NLRC5: variants seen among roughly 807,000 people sequenced by gnomAD.
NLRC5 encodes the protein NLR family CARD domain containing 5, also known as protein NLRC5.
Under a neutral mutation model 206.9 loss-of-function variants are expected in NLRC5, and 114 were observed. That is an observed-to-expected ratio of 0.55 (90% CI 0.47 to 0.64). NLRC5 has a LOEUF of 0.64. Among genes scored for constraint, NLRC5 ranks in the 30% least tolerant of loss-of-function variants. The pLI, the probability that NLRC5 is intolerant of heterozygous loss-of-function variation, is 0.00. For missense variants in NLRC5, 2,008 were observed against 2,305.5 expected, an observed-to-expected ratio of 0.87 and a Z score of 2.64; for synonymous variants, 952 against 962.8, an observed-to-expected ratio of 0.99 and a Z score of 0.21.
At chr16:57,041,631 G>C (rs2063300463) in intron 18 of NLRC5, 57 bp downstream of exon 18, 1 of 1,421,706 alleles carries the variant, frequency 7.0e-7, no homozygotes, top group African/African-American at 1.4e-5. Context: ...GTGAGTTAGT[G>C]TTGGTGTTTG....
chr16:56,990,736 A>C (rs1236104708), intron 1 of NLRC5: 1 of 152,192 alleles, frequency 6.6e-6, no homozygotes, highest in East Asian at 1.9e-4. Context: ...CTGGAGCCTC[A>C]TTGTCCCTTC....
chr16:57,028,811 C>A (rs776432893), intron 8 of NLRC5, among the ~76,000 whole-genome samples: 9 of 152,230 alleles, frequency 5.9e-5, no homozygotes, highest in Admixed American at 1.3e-4. Flanking sequence ...CATGCCCACT[C>A]ATAGGTGTGC....
intron 1 of NLRC5, among the ~76,000 whole-genome samples, chr16:56,993,071 G>T (rs1293047621): frequency 1.0e-5 from 1 of 98,686 alleles, no homozygotes; most frequent in African/African-American, 3.1e-5. Context: ...CAGTCTAAGT[G>T]TGTTTTTACA....
chr16:57,045,480 A>C lies in NLRC5; in HGVS notation c.3236A>C (p.Asp1079Ala). Residue 1079 changes from aspartate to alanine, a missense_variant, in exon 21 of 49, where the codon GAC becomes GCC. Asp to Ala is a moderately radical substitution (Grantham distance 126). Transcript: ENST00000688547. ...AGCCAACACATCCTCCTGAGAGGGG[A>C]CAAGACAAGCAGGTGAGGAGGGAAC... ...FESQHILLRG[D>A]KTSRDMWATG... 6.2e-7 allele frequency: 1 copy of C among 1,614,034 alleles called. No homozygotes were observed. The highest frequency in any genetic ancestry group is 8.5e-7 in the Non-Finnish European group (1 of 1,179,990).
At chr16:57,022,213 C>T in intron 3 of NLRC5, 43 bp from the exon 4 acceptor site, 3 of 1,562,844 alleles carry the variant, frequency 1.9e-6, no homozygotes, top group East Asian at 2.3e-5. Context: ...CCCAGCATCC[C>T]TCGACAGCCC....
At chr16:57,002,211 G>A (rs967556006) in intron 1 of NLRC5, among the ~76,000 whole-genome samples, 1 of 152,044 alleles carries the variant, frequency 6.6e-6, no homozygotes, top group Non-Finnish European at 1.5e-5. Flanking sequence ...GCAGTGGCAC[G>A]ATCTTGGCTC....
intron 43 of NLRC5, 81 bp from the exon 44 acceptor site, chr16:57,078,969 T>A (rs966107140): frequency 7.8e-7 from 1 of 1,284,164 alleles, no homozygotes. Flanking sequence ...GGGCTGGCAC[T>A]GCAGCCTGAG....
intron 23 of NLRC5, among the ~76,000 whole-genome samples, chr16:57,049,977 G>A (rs970396215): frequency 1.3e-5 from 2 of 152,054 alleles, no homozygotes; most frequent in Non-Finnish European, 2.9e-5. Flanking sequence ...TTCCACCGGG[G>A]AAGCCAGGGA....
At chr16:57,055,362 C>T (rs1597379437) in intron 26 of NLRC5, 71 bp from the exon 27 acceptor site, 3 of 1,443,128 alleles carry the variant, frequency 2.1e-6, no homozygotes, top group Non-Finnish European at 2.9e-6. Context: ...GTGCCCTGGG[C>T]TAGCCAGGCC....
At position 57,053,861 on chromosome 16, in the gene NLRC5, G is replaced by A. The variant is rs142469547; in HGVS notation, c.3507-890G>A. ...GGGTTTTCAAAAGTTCAGACTGAGT[G>A]CTGGGTAGAGAATGGATTGGGAGAT... On this transcript the variant is annotated intron_variant, in intron 24 of 48. Transcript: ENST00000688547. Among the ~76,000 whole-genome samples the A allele has an allele frequency of 4.6e-3, 702 of 152,260 alleles. 7 individuals carry two copies. Among genetic ancestry groups the A allele is most frequent in the African/African-American group, 0.016 (663 of 41,560 alleles).
chr16:57,022,192 C>T, intron 3 of NLRC5, 64 bp from the exon 4 acceptor site: 1 of 1,458,292 alleles, frequency 6.9e-7, no homozygotes, highest in Non-Finnish European at 9.5e-7. Flanking sequence ...GGCGCCAGGC[C>T]AGAGCTGGTC....
chr16:57,032,173 GC>G (rs1423839126), intron 11 of NLRC5, among the ~76,000 whole-genome samples: 1 of 152,000 alleles, frequency 6.6e-6, no homozygotes, highest in East Asian at 1.9e-4. Context: ...ACTTTGGAAC[GC>G]CAAGCACGAG....
At chr16:57,076,794 C>G (rs371479286) in intron 39 of NLRC5, 25 bp from the exon 40 acceptor site, 10 of 1,612,078 alleles carry the variant, frequency 6.2e-6, no homozygotes, top group Non-Finnish European at 7.6e-6. Flanking sequence ...CTGAAAGCCT[C>G]TTGGTCTATT....
chr16:57,040,716 G>A lies in NLRC5; in HGVS notation c.2937G>A (p.Met979Ile). The A allele has an allele frequency of 6.2e-7, 1 of 1,614,080 alleles. No homozygotes were observed. The highest frequency in any genetic ancestry group is 1.3e-5 in the African/African-American group (1 of 75,036). Residue 979 changes from methionine (M) to isoleucine (I), a missense_variant and splice_region_variant, in exon 17 of 49, where the codon ATG (methionine) becomes ATA (isoleucine). By Grantham distance (10) the Met-to-Ile change is conservative. Transcript: ENST00000688547. Reference sequence around the variant, plus strand: ...AGCTGCCTCTGAGCTCCCGAAGGATGAGGTACAGTGATGGCCTCCAGCCCT... The same window carrying A: ...AGCTGCCTCTGAGCTCCCGAAGGATAAGGTACAGTGATGGCCTCCAGCCCT... ...PSELPLSSRRMRLTHCGLQEK... is the reference protein window; with the variant it reads ...PSELPLSSRRIRLTHCGLQEK...
At chr16:57,059,678 T>A (rs1394199077) in intron 30 of NLRC5, 146 bp downstream of exon 30, 7 of 735,000 alleles carry the variant, frequency 9.5e-6, no homozygotes, top group African/African-American at 1.8e-5. Context: ...TTCCTCCAGA[T>A]CTGCCCCCGA....
rs987948170 is a variant in NLRC5 at position 57,025,745 on chromosome 16, A to T, written c.802A>T (p.Thr268Ser). 6.2e-7 allele frequency: 1 copy of T among 1,614,026 alleles called. No individual in the cohort carries two copies. The highest frequency in any genetic ancestry group is 1.3e-5 in the African/African-American group (1 of 74,908). Residue 268 changes from threonine (T) to serine (S), a missense_variant, in exon 6 of 49, where the codon ACG becomes TCG. By Grantham distance (58) the Thr-to-Ser change is moderately conservative (BLOSUM62 1). Transcript: ENST00000688547. The part of the protein sequence containing the change: ...LFEFRQLNLI[T>S]RFLTPSELLF... Reference sequence around the variant, plus strand: ...TGAATTCCGCCAGCTCAACTTGATCACGAGGTTCCTGACACCGTCCGAGCT... The same window carrying T: ...TGAATTCCGCCAGCTCAACTTGATCTCGAGGTTCCTGACACCGTCCGAGCT...
At chr16:57,067,356 C>T in intron 34 of NLRC5, 31 bp from the exon 35 acceptor site, 1 of 1,596,644 alleles carries the variant, frequency 6.3e-7, no homozygotes. Context: ...ACTAGATGTT[C>T]CAAAACTGTC....
intron 1 of NLRC5, among the ~76,000 whole-genome samples, chr16:56,998,792 G>C (rs187939090): frequency 1.3e-5 from 2 of 152,164 alleles, no homozygotes; most frequent in Non-Finnish European, 2.9e-5. Flanking sequence ...ATACAGCCAC[G>C]TCAACAAAAA....
At chr16:56,997,140 G>A (rs1291051805) in intron 1 of NLRC5, among the ~76,000 whole-genome samples, 1 of 152,112 alleles carries the variant, frequency 6.6e-6, no homozygotes, top group Admixed American at 6.5e-5. Flanking sequence ...CCAAAGTGTT[G>A]GAATTACAGG....
Sources: gnomAD v4.1 joint callset for allele counts (sites outside exome capture counted in the v4.1 genomes callset) on GRCh38, gnomAD v4.1.1 for gene constraint, MANE v1.5 for transcripts, NCBI Gene and HGNC (gene_info 2026-07-23, HGNC 2026-07-21) for gene names.